The following ZNF141 variants were observed in gnomAD, a reference collection of about 807,000 sequenced individuals.
ZNF141 encodes zinc finger protein 141 (clone pHZ-44).
ZNF141 carries 7 observed loss-of-function variants against 11.3 expected under a neutral mutation model. The observed-to-expected ratio is 0.62, with a 90% confidence interval of 0.35 to 1.16. ZNF141 has a LOEUF of 1.16. Ranked by LOEUF, ZNF141 falls within the 50% of genes most tolerant of loss-of-function variation. ZNF141 has a pLI of 0.02. For synonymous variants in ZNF141, 183 were observed against 190.7 expected (o/e 0.96, Z 0.33); for missense variants, 535 against 554.0 (o/e 0.97, Z 0.34).
intron 3 of ZNF141, among the ~76,000 whole-genome samples, chr4:360,475 C>G (rs782162551): frequency 1.3e-5 from 2 of 152,112 alleles, no homozygotes; most frequent in Non-Finnish European, 2.9e-5. Flanking sequence ...CAGTTGAAAA[C>G]TAGTTATTTA....
Position 373,653 on chromosome 4 carries a change from C to T in ZNF141, c.1216C>T (p.Arg406Trp), listed in dbSNP as rs782182014. The T allele has an allele frequency of 7.7e-5, 124 of 1,613,830 alleles. No individual in the cohort carries two copies. The highest frequency in any genetic ancestry group is 8.4e-5 in the Non-Finnish European group (99 of 1,179,972). Residue 406 changes from arginine (R) to tryptophan (W), a missense_variant, in exon 4 of 4, where the codon CGG (arginine) becomes TGG (tryptophan). Physicochemically the swap from Arg to Trp is moderately radical, Grantham distance 101 (BLOSUM62 -3). Transcript: ENST00000240499. ...KCEECGKAFR[R>W]STDRSQHKKI... ...TGAAGAATGTGGCAAAGCCTTTAGA[C>T]GGTCCACAGATCGGAGTCAACATAA...
At chr4:357,834 TA>T (rs1325673507) in intron 3 of ZNF141, among the ~76,000 whole-genome samples, 5 of 151,666 alleles carry the variant, frequency 3.3e-5, no homozygotes, top group African/African-American at 7.2e-5. Context: ...GTCTCCTGAG[TA>T]GCTGGGACTA....
intron 3 of ZNF141, among the ~76,000 whole-genome samples, chr4:361,623 C>T (rs181852605): frequency 4.5e-4 from 68 of 152,140 alleles, no homozygotes; most frequent in African/African-American, 1.4e-3. Flanking sequence ...TGAGAACATG[C>T]GGTGTTTGGT....
chr4:383,992 C>G lies in ZNF141; in HGVS notation c.*10130C>G, dbSNP rs1189948440. On this transcript the variant is annotated 3_prime_UTR_variant, in exon 4 of 4. Coordinates refer to ENST00000240499, the MANE Select transcript of ZNF141 (RefSeq NM_003441.4). The stretch of plus-strand genomic sequence containing the variant: ...TGCTATTCCCTTCCTGTTTTTCATT[C>G]CTTTGTGTGCTTTGTTCAATTTTTT... The G allele has an allele frequency of 6.6e-6, 1 of 152,236 alleles. No homozygotes were observed. Among genetic ancestry groups the G allele is most frequent in the African/African-American group, 2.4e-5 (1 of 41,442 alleles). 9.4% of individuals were successfully genotyped at this position (152,236 alleles called of 1,614,324 possible).
intron 3 of ZNF141, among the ~76,000 whole-genome samples, chr4:372,339 T>G (rs782156550): frequency 7.9e-5 from 12 of 152,244 alleles, no homozygotes; most frequent in Non-Finnish European, 5.9e-5. Flanking sequence ...AGTTGATACT[T>G]CACTCCTAAT....
chr4:354,626 T>C (rs550043558), intron 3 of ZNF141, among the ~76,000 whole-genome samples: 9 of 152,286 alleles, frequency 5.9e-5, no homozygotes, highest in African/African-American at 2.2e-4. Flanking sequence ...TTAGTTATTT[T>C]TCAAGTTTTT....
At chr4:357,747 C>A (rs1352148650) in intron 3 of ZNF141, among the ~76,000 whole-genome samples, 1 of 146,544 alleles carries the variant, frequency 6.8e-6, no homozygotes, top group Non-Finnish European at 1.5e-5. Context: ...CACTCTGTTG[C>A]CCAGGCTGGA....
chr4:361,816 T>C (rs1455262129), intron 3 of ZNF141, among the ~76,000 whole-genome samples: 3 of 152,212 alleles, frequency 2.0e-5, no homozygotes, highest in Non-Finnish European at 4.4e-5. Flanking sequence ...TTTGCTATTG[T>C]GAATAGTGCC....
intron 3 of ZNF141, among the ~76,000 whole-genome samples, chr4:347,328 C>A (rs549960930): frequency 2.7e-5 from 4 of 146,332 alleles, no homozygotes; most frequent in Admixed American, 2.1e-4. Flanking sequence ...TGAGACACCA[C>A]GCCCGGCCAA....
intron 3 of ZNF141, among the ~76,000 whole-genome samples, chr4:354,002 T>C (rs1376115790): frequency 6.6e-6 from 1 of 152,196 alleles, no homozygotes; most frequent in African/African-American, 2.4e-5. Flanking sequence ...CCTCTGCTTC[T>C]AGGGTTTTCC....
intron 3 of ZNF141, among the ~76,000 whole-genome samples, chr4:360,910 C>A (rs1412676157): frequency 2.6e-5 from 4 of 152,032 alleles, no homozygotes; most frequent in Non-Finnish European, 5.9e-5. Flanking sequence ...TACTCATTTT[C>A]TTGGGTAGTC....
At chr4:366,294 GTT>G (rs1261981775) in intron 3 of ZNF141, among the ~76,000 whole-genome samples, 1 of 152,054 alleles carries the variant, frequency 6.6e-6, no homozygotes, top group African/African-American at 2.4e-5. Flanking sequence ...GTCTTTTTCA[GTT>G]TTTTATCAAT....
Position 373,254 on chromosome 4 carries a change from CAT to C in ZNF141, c.819_820del (p.His273GlnfsTer13), listed in dbSNP as rs1380104824. On this transcript the variant is annotated frameshift_variant, in exon 4 of 4. Transcript: ENST00000240499. LOFTEE classifies it low-confidence loss of function (END_TRUNC). ...TAATAGGTTCACAACCCTTACTAAA[CAT>C]AAGAGAATTCATGCTGGAGAGAAAC... The part of the protein sequence containing the change: ...AFNRFTTLTK[H>X]KRIHAGEKPI... 1 of 1,613,856 alleles carries C rather than the reference CAT, an allele frequency of 6.2e-7. No individual in the cohort carries two copies. The highest frequency in any genetic ancestry group is 1.3e-5 in the African/African-American group (1 of 74,888).
At chr4:346,009 A>G (rs1721303259) in intron 3 of ZNF141, among the ~76,000 whole-genome samples, 1 of 152,152 alleles carries the variant, frequency 6.6e-6, no homozygotes, top group Non-Finnish European at 1.5e-5. Context: ...GTCTGTTGAG[A>G]TTCTGTCATT....
chr4:377,098 T>C lies in ZNF141; in HGVS notation c.*3236T>C, dbSNP rs1712407437. The stretch of plus-strand genomic sequence containing the variant: ...TTAGTTAGAACATTTCATTTTGTTG[T>C]TTTAATTTAAGAACCCTATATAAGC... On this transcript the variant is annotated 3_prime_UTR_variant, in exon 4 of 4. Transcript: ENST00000240499. 6.6e-6 allele frequency among the ~76,000 whole-genome samples: 1 copy of C among 152,194 alleles called. No homozygotes were observed. The highest frequency in any genetic ancestry group is 1.5e-5 in the Non-Finnish European group (1 of 68,028).
rs145958882 is a variant in ZNF141, at chr4:366,653, G to A, written c.227-6011G>A. Among the ~76,000 whole-genome samples the A allele has an allele frequency of 5.3e-5, 8 of 151,028 alleles. No homozygotes were observed. The East Asian group carries it at 9.8e-4, about 19-fold the overall frequency. On this transcript the variant is annotated intron_variant, in intron 3 of 3. Coordinates refer to ENST00000240499, the MANE Select transcript of ZNF141 (RefSeq NM_003441.4). ...TAGAGAGTGTTCACCTTTTCAATTCGGTTTGCTGCTAGACATATTTTATTT... is the reference window on the plus strand; with the variant it reads ...TAGAGAGTGTTCACCTTTTCAATTCAGTTTGCTGCTAGACATATTTTATTT...
intron 3 of ZNF141, among the ~76,000 whole-genome samples, chr4:368,343 G>A (rs1711849212): frequency 6.6e-6 from 1 of 152,054 alleles, no homozygotes; most frequent in Non-Finnish European, 1.5e-5. Flanking sequence ...CCAGGTTCAA[G>A]CAATTCTTGT....
rs1468167558 is a variant in ZNF141 at position 372,657 on chromosome 4, C to T, written c.227-7C>T. 6.7e-7 allele frequency: 1 copy of T among 1,485,588 alleles called. No individual in the cohort carries two copies. Among genetic ancestry groups the T allele is most frequent in the Middle Eastern group, 1.8e-4 (1 of 5,526 alleles). 92.0% of individuals were successfully genotyped at this position (1,485,588 alleles called of 1,614,324 possible). ...GTGGGATAATTTGTAATTTTTATTTCTTTCAGCTATGTGTTCTCATTTCAC... is the reference window on the plus strand; with the variant it reads ...GTGGGATAATTTGTAATTTTTATTTTTTTCAGCTATGTGTTCTCATTTCAC... On this transcript the variant is annotated splice_polypyrimidine_tract_variant and splice_region_variant and intron_variant, in intron 3 of 3. Coordinates refer to ENST00000240499, the MANE Select transcript of ZNF141 (RefSeq NM_003441.4).
chr4:342,269 C>T (rs1278936992), intron 1 of ZNF141, among the ~76,000 whole-genome samples: 1 of 152,212 alleles, frequency 6.6e-6, no homozygotes, highest in African/African-American at 2.4e-5. Flanking sequence ...GGCATTAATG[C>T]AGATGCACAT....
Sources: allele counts gnomAD v4.1 joint callset (sites outside exome capture counted in the v4.1 genomes callset), GRCh38; gene constraint gnomAD v4.1.1; transcripts MANE v1.5; gene names NCBI Gene and HGNC (gene_info 2026-07-23, HGNC 2026-07-21).